The following RFTN1 variants were observed in gnomAD, a reference collection of about 807,000 sequenced individuals.
The protein encoded by RFTN1 is raftlin.
In RFTN1, 26 loss-of-function variants were observed where a neutral mutation model predicts 46.5. That is an observed-to-expected ratio of 0.56 (90% CI 0.41 to 0.78). The LOEUF is 0.78. Among genes scored for constraint, RFTN1 ranks in the 30% least tolerant of loss-of-function variants. The pLI is 0.00. For synonymous variants in RFTN1, 261 were observed against 284.2 expected (o/e 0.92, Z 0.82); for missense variants, 693 against 718.7 (o/e 0.96, Z 0.41).
intron 6 of RFTN1, among the ~76,000 whole-genome samples, chr3:16,359,670 G>A (rs1320588179): frequency 6.6e-6 from 1 of 152,214 alleles, no homozygotes; most frequent in Non-Finnish European, 1.5e-5. Context: ...CCAGAACTGA[G>A]AGAAAATAAG....
At chr3:16,455,424 G>T (rs2075889406) in intron 2 of RFTN1, among the ~76,000 whole-genome samples, 1 of 152,232 alleles carries the variant, frequency 6.6e-6, no homozygotes, top group East Asian at 1.9e-4. Flanking sequence ...CAGGTTGGGG[G>T]CAGGAAAACA....
chr3:16,325,688 C>T lies in RFTN1; in HGVS notation c.1250+1085G>A, dbSNP rs2069620030. 1.3e-5 allele frequency among the ~76,000 whole-genome samples: 2 copies of T among 152,166 alleles called. 1 individual carries two copies. Among genetic ancestry groups the T allele is most frequent in the South Asian group, 4.1e-4 (2 of 4,826 alleles). On this transcript the variant is annotated intron_variant, in intron 8 of 9. Transcript: ENST00000334133. ...GGTGGTTTCCAGTGGCCAAGGGGCT[C>T]AAAAGTGGCCGCAGACTGGCTCCCC...
chr3:16,425,456 C>G lies in RFTN1; in HGVS notation c.332+8395G>C, dbSNP rs905288187. Among the ~76,000 whole-genome samples the G allele has an allele frequency of 6.6e-6, 1 of 151,792 alleles. No individual in the cohort carries two copies. The highest frequency in any genetic ancestry group is 2.4e-5 in the African/African-American group (1 of 41,102). ...TGGAAATCACTAGTGTGCTAATTCT[C>G]TCTCTCAGAAGAAACAAACAAACAA... On this transcript the variant is annotated intron_variant, in intron 3 of 9. Transcript: ENST00000334133. The surrounding 1 kb of genome is among the most constrained non-coding windows in gnomAD (Gnocchi z 4.3).
At chr3:16,330,354 A>G (rs1017386025) in intron 7 of RFTN1, among the ~76,000 whole-genome samples, 6 of 152,236 alleles carry the variant, frequency 3.9e-5, no homozygotes, top group African/African-American at 1.2e-4. Context: ...ATTTATCAAT[A>G]TAGTAAAGAG....
rs1182479532 is a variant in RFTN1 at position 16,321,262 on chromosome 3, T to G, written c.1332+2114A>C. ...AGGGCTGAAAATGCAGGCGGAATGG[T>G]CATTGGCACAGAGGTGGTGAAGGAG... On this transcript the variant is annotated intron_variant, in intron 9 of 9. Coordinates refer to ENST00000334133, the MANE Select transcript of RFTN1 (RefSeq NM_015150.2). The surrounding 1 kb of genome is among the most constrained non-coding windows in gnomAD (Gnocchi z 4.8). Among the ~76,000 whole-genome samples the G allele has an allele frequency of 2.0e-5, 3 of 151,744 alleles. No individual in the cohort carries two copies. The highest frequency in any genetic ancestry group is 4.4e-5 in the Non-Finnish European group (3 of 67,926).
intron 9 of RFTN1, among the ~76,000 whole-genome samples, chr3:16,323,142 C>G (rs1197963606): frequency 6.6e-6 from 1 of 152,170 alleles, no homozygotes; most frequent in African/African-American, 2.4e-5. Flanking sequence ...AGCCTCTCTC[C>G]TCCATCCTTC....
intron 9 of RFTN1, among the ~76,000 whole-genome samples, chr3:16,318,267 C>T (rs142501054): frequency 2.9e-4 from 44 of 152,222 alleles, no homozygotes; most frequent in South Asian, 1.0e-3. Context: ...CAGTTCCCAC[C>T]ATGGCCACTT....
rs1231011476 is a variant in RFTN1 at position 16,459,999 on chromosome 3, A to G, written c.146-25962T>C. 2.0e-5 allele frequency among the ~76,000 whole-genome samples: 3 copies of G among 152,192 alleles called. No individual in the cohort carries two copies. Among genetic ancestry groups the G allele is most frequent in the African/African-American group, 7.2e-5 (3 of 41,456 alleles). ...ATTTTTGAGAACATGAATTTTCCATATGATTGACTTATTTCAATGCTTTGA... is the reference window on the plus strand; with the variant it reads ...ATTTTTGAGAACATGAATTTTCCATGTGATTGACTTATTTCAATGCTTTGA... On this transcript the variant is annotated intron_variant, in intron 2 of 9. Transcript: ENST00000334133. The surrounding 1 kb of genome is among the most constrained non-coding windows in gnomAD (Gnocchi z 4.2).
rs531951053 is a variant in RFTN1, at chr3:16,400,421, G to A, written c.441+8954C>T. Among the ~76,000 whole-genome samples, 11 of 152,254 alleles carry A rather than the reference G, an allele frequency of 7.2e-5. No individual in the cohort carries two copies. The highest frequency in any genetic ancestry group is 1.7e-4 in the African/African-American group (7 of 41,546). Reference sequence around the variant, plus strand: ...CCCTTGCCATGTTCTACTCGACAGCGCTCACCCATCTGTGATCCTACAACC... The same window carrying A: ...CCCTTGCCATGTTCTACTCGACAGCACTCACCCATCTGTGATCCTACAACC... On this transcript the variant is annotated intron_variant, in intron 4 of 9. Coordinates refer to ENST00000334133, the MANE Select transcript of RFTN1 (RefSeq NM_015150.2). The surrounding 1 kb of genome is among the most constrained non-coding windows in gnomAD (Gnocchi z 4.5).
chr3:16,462,113 C>T (rs2076016913), intron 2 of RFTN1, among the ~76,000 whole-genome samples: 1 of 152,230 alleles, frequency 6.6e-6, no homozygotes, highest in South Asian at 2.1e-4. Flanking sequence ...CAAATCCTGG[C>T]TCTGCCACTT....
Position 16,351,685 on chromosome 3 carries a change from T to C in RFTN1, c.1146+6247A>G, listed in dbSNP as rs1165681206. ...CTGAGCACTTCAGGGGTAAGCTGTA[T>C]ATAAGTTAGACCCATTATCCTAATT... On this transcript the variant is annotated intron_variant, in intron 7 of 9. Transcript: ENST00000334133. The surrounding 1 kb of genome is among the most constrained non-coding windows in gnomAD (Gnocchi z 5.4). Among the ~76,000 whole-genome samples the C allele has an allele frequency of 6.6e-6, 1 of 152,182 alleles. No individual in the cohort carries two copies. The highest frequency in any genetic ancestry group is 1.5e-5 in the Non-Finnish European group (1 of 68,028).
In RFTN1 at chr3:16,504,981, C is replaced by A. The variant is rs1300299067; in HGVS notation, c.-9+8461G>T. On this transcript the variant is annotated intron_variant, in intron 1 of 9. Transcript: ENST00000334133. The surrounding 1 kb of genome is among the most constrained non-coding windows in gnomAD (Gnocchi z 4.4). ...CCCAGTATCAGCCTGCTCCCGCCAC[C>A]ATCCTCACCCTGACATTGGCCCATC... Among the ~76,000 whole-genome samples the A allele has an allele frequency of 6.6e-6, 1 of 152,212 alleles. No individual in the cohort carries two copies. Among genetic ancestry groups the A allele is most frequent in the Non-Finnish European group, 1.5e-5 (1 of 68,030 alleles).
At position 16,321,376 on chromosome 3, in the gene RFTN1, G is replaced by A. The variant is rs998745156; in HGVS notation, c.1332+2000C>T. ...TAGTGGGAAACCAGGAGAATGAGGT[G>A]GGAAAGAACCAAGAGAAAAGCTGCT... is the stretch of plus-strand genomic sequence containing the variant. On this transcript the variant is annotated intron_variant, in intron 9 of 9. Coordinates refer to ENST00000334133, the MANE Select transcript of RFTN1 (RefSeq NM_015150.2). This position sits in a 1 kb window ranked among gnomAD's most constrained non-coding sequence, Gnocchi z 4.8. 3.3e-5 allele frequency among the ~76,000 whole-genome samples: 5 copies of A among 152,124 alleles called. No individual in the cohort carries two copies. Among genetic ancestry groups the A allele is most frequent in the Non-Finnish European group, 7.4e-5 (5 of 68,016 alleles).
In RFTN1 at chr3:16,448,434, C is replaced by G. The variant is rs181420658; in HGVS notation, c.146-14397G>C. 3.3e-3 allele frequency among the ~76,000 whole-genome samples: 502 copies of G among 152,288 alleles called. 2 individuals carry two copies. The highest frequency in any genetic ancestry group is 7.7e-3 in the South Asian group (37 of 4,822). On this transcript the variant is annotated intron_variant, in intron 2 of 9. Transcript: ENST00000334133. The surrounding 1 kb of genome is among the most constrained non-coding windows in gnomAD (Gnocchi z 4.1). ...CTTTTTCAACATTCTTTAGCTACAG[C>G]TATGAGTTGAGGTCACTTCTTTTTC...
intron 6 of RFTN1, among the ~76,000 whole-genome samples, chr3:16,363,882 C>T (rs1197574120): frequency 1.3e-5 from 2 of 151,722 alleles, no homozygotes; most frequent in Non-Finnish European, 2.9e-5. Flanking sequence ...GATTAGCAAT[C>T]GCCAACTGCG....
At position 16,506,063 on chromosome 3, in the gene RFTN1, T is replaced by C. The variant is rs1378623202; in HGVS notation, c.-9+7379A>G. 6.6e-6 allele frequency among the ~76,000 whole-genome samples: 1 copy of C among 152,074 alleles called. No homozygotes were observed. The highest frequency in any genetic ancestry group is 6.5e-5 in the Admixed American group (1 of 15,284). On this transcript the variant is annotated intron_variant, in intron 1 of 9. Transcript: ENST00000334133. This position sits in a 1 kb window ranked among gnomAD's most constrained non-coding sequence, Gnocchi z 4.8. ...ATAAAAATAATACACAAAATCCCATTTTTAAAGTATGCCAACTAGAAAACA... is the reference window on the plus strand; with the variant it reads ...ATAAAAATAATACACAAAATCCCATCTTTAAAGTATGCCAACTAGAAAACA...
Position 16,376,465 on chromosome 3 carries a change from T to A in RFTN1, c.826+1253A>T, listed in dbSNP as rs868552038. Among the ~76,000 whole-genome samples the A allele has an allele frequency of 2.1e-4, 32 of 152,270 alleles. No individual in the cohort carries two copies. The highest frequency in any genetic ancestry group is 6.8e-3 in the Middle Eastern group (2 of 294). Reference sequence around the variant, plus strand: ...AGGACTCCAGTGAGGTCCATCTTCCTGCCCAGGATTCAGAGCACACACATC... The same window carrying A: ...AGGACTCCAGTGAGGTCCATCTTCCAGCCCAGGATTCAGAGCACACACATC... On this transcript the variant is annotated intron_variant, in intron 5 of 9. Transcript: ENST00000334133. This position sits in a 1 kb window ranked among gnomAD's most constrained non-coding sequence, Gnocchi z 4.7.
At chr3:16,478,614 G>A (rs2076319372) in intron 2 of RFTN1, among the ~76,000 whole-genome samples, 1 of 152,200 alleles carries the variant, frequency 6.6e-6, no homozygotes, top group South Asian at 2.1e-4. Flanking sequence ...GCTTATCTGG[G>A]TGCCTCTGGC....
At chr3:16,368,013 C>T (rs1275661656) in intron 6 of RFTN1, among the ~76,000 whole-genome samples, 1 of 152,068 alleles carries the variant, frequency 6.6e-6, no homozygotes, top group Non-Finnish European at 1.5e-5. Flanking sequence ...CCATCAGTTT[C>T]CTAGGGAGGA....
Sources: allele counts gnomAD v4.1 joint callset (sites outside exome capture counted in the v4.1 genomes callset), GRCh38; gene constraint gnomAD v4.1.1; non-coding constraint Gnocchi (gnomAD v3.1); transcripts MANE v1.5; gene names NCBI Gene and HGNC (gene_info 2026-07-23, HGNC 2026-07-21).